SDK1: variants seen among roughly 807,000 people sequenced by gnomAD.
SDK1 encodes protein sidekick-1.
In SDK1, 157 loss-of-function variants were observed where a neutral mutation model predicts 245.5. That is an observed-to-expected ratio of 0.64 (90% CI 0.56 to 0.73). The LOEUF is 0.73. Ranked by LOEUF, SDK1 falls within the 30% of genes least tolerant of loss-of-function variation. The pLI is 0.00. For missense variants in SDK1, 3,583 were observed against 3,002.3 expected (o/e 1.19, Z -4.52); for synonymous variants, 1,647 against 1,278.5 (o/e 1.29, Z -6.15).
At position 3,514,188 on chromosome 7, in the gene SDK1, T is replaced by C. The variant is rs931803943; in HGVS notation, c.299-104892T>C. Among the ~76,000 whole-genome samples, 6 of 152,178 alleles carry C rather than the reference T, an allele frequency of 3.9e-5. No individual in the cohort carries two copies. In the East Asian group the frequency reaches 7.7e-4, roughly 20 times the overall value. ...GCCTGTCTCATGGAGTTTGTATGTT[T>C]TTACTCTAAATCTCCAGTCTGATTT... On this transcript the variant is annotated intron_variant, in intron 1 of 44. Transcript: ENST00000404826.
intron 5 of SDK1, among the ~76,000 whole-genome samples, chr7:3,891,072 A>C (rs1562516160): frequency 6.6e-6 from 1 of 152,138 alleles, no homozygotes; most frequent in Non-Finnish European, 1.5e-5. Context: ...CACTGTCTAG[A>C]GCACATCCTT....
At chr7:3,563,072 T>G (rs920174157) in intron 1 of SDK1, among the ~76,000 whole-genome samples, 1 of 152,126 alleles carries the variant, frequency 6.6e-6, no homozygotes, top group African/African-American at 2.4e-5. Flanking sequence ...CCAAAGACGG[T>G]AGGGATGAAG....
rs2128207965 is a variant in SDK1 at position 4,149,381 on chromosome 7, C to T, written c.4543C>T (p.Gln1515Ter). Reference protein sequence around the residue: ...GASPIRYFTMQVRELPRGEWQ... With the variant: ...GASPIRYFTM ...CTCCCCCATCCGGTACTTCACCATG[C>T]AGGTGCGAGAGCTGCCTCGGGGTGA... Residue 1515 changes from glutamine (Q) to a stop codon, truncating the protein, a stop_gained, in exon 30 of 45, where the codon CAG becomes TAG. Transcript: ENST00000404826. LOFTEE classifies it high-confidence loss of function. The T allele has an allele frequency of 6.3e-7, 1 of 1,589,800 alleles. No homozygotes were observed. Among genetic ancestry groups the T allele is most frequent in the Non-Finnish European group, 8.6e-7 (1 of 1,168,918 alleles).
chr7:3,749,493 GT>G (rs1472312571), intron 4 of SDK1, among the ~76,000 whole-genome samples: 42 of 152,294 alleles, frequency 2.8e-4, no homozygotes, highest in African/African-American at 9.4e-4. Flanking sequence ...TAGAGACAGG[GT>G]TTCACCATGT....
intron 2 of SDK1, among the ~76,000 whole-genome samples, chr7:3,631,328 C>T (rs1782281792): frequency 6.6e-6 from 1 of 152,170 alleles, no homozygotes; most frequent in African/African-American, 2.4e-5. Context: ...GAACTCTTTT[C>T]TCAGTTGGTT....
intron 4 of SDK1, among the ~76,000 whole-genome samples, chr7:3,794,469 G>A (rs747657720): frequency 6.6e-6 from 1 of 152,202 alleles, no homozygotes; most frequent in Non-Finnish European, 1.5e-5. Context: ...GTATTGATAT[G>A]TGGGGCTCTT....
chr7:4,162,631 C>T (rs1016686951), intron 32 of SDK1, among the ~76,000 whole-genome samples: 5 of 151,942 alleles, frequency 3.3e-5, no homozygotes, highest in African/African-American at 1.2e-4. Flanking sequence ...AACTCCTGAC[C>T]TCAGGTGATC....
chr7:4,113,951 C>T (rs1783523636), intron 24 of SDK1, 86 bp from the exon 25 acceptor site: 1 of 1,053,860 alleles, frequency 9.5e-7, no homozygotes, highest in Non-Finnish European at 1.4e-6. Flanking sequence ...ACGGAGTTGG[C>T]CTCACAGGGC....
At position 3,630,298 on chromosome 7, in the gene SDK1, T is replaced by C. The variant is rs576205019; in HGVS notation, c.459-8706T>C. 2.0e-5 allele frequency among the ~76,000 whole-genome samples: 3 copies of C among 152,282 alleles called. No individual in the cohort carries two copies. In the South Asian group the frequency reaches 6.2e-4, roughly 32 times the overall value. On this transcript the variant is annotated intron_variant, in intron 2 of 44. Transcript: ENST00000404826. ...GAAAAAGAAATAAAAGGCATCCAGA[T>C]TGTAAAGAAAGAAGTAAAACTGTAT...
chr7:4,247,279 G>T (rs1222398842), intron 44 of SDK1, among the ~76,000 whole-genome samples: 7 of 152,186 alleles, frequency 4.6e-5, no homozygotes, highest in African/African-American at 1.4e-4. Flanking sequence ...GCCAGCAGGT[G>T]GGTGTGGTGA....
At chr7:3,505,435 G>C (rs918955958) in intron 1 of SDK1, among the ~76,000 whole-genome samples, 1 of 152,092 alleles carries the variant, frequency 6.6e-6, no homozygotes. Context: ...TCTTTTTGCA[G>C]GGATGGGGTC....
At chr7:4,150,223 T>G (rs1780265707) in intron 30 of SDK1, among the ~76,000 whole-genome samples, 1 of 152,150 alleles carries the variant, frequency 6.6e-6, no homozygotes, top group African/African-American at 2.4e-5. Context: ...GGGGCCTGTC[T>G]GGTTCGCAGG....
At chr7:4,180,827 C>G (rs1197314724) in intron 35 of SDK1, among the ~76,000 whole-genome samples, 1 of 152,156 alleles carries the variant, frequency 6.6e-6, no homozygotes, top group Non-Finnish European at 1.5e-5. Flanking sequence ...CTCATGAGAA[C>G]TAAGCCATTC....
intron 1 of SDK1, among the ~76,000 whole-genome samples, chr7:3,611,768 A>G (rs1263923353): frequency 1.3e-5 from 2 of 152,118 alleles, no homozygotes; most frequent in African/African-American, 2.4e-5. Context: ...AATCGAAACC[A>G]CAATGCTATG....
Position 3,619,205 on chromosome 7 carries a change from G to T in SDK1, c.424G>T (p.Asp142Tyr). The T allele has an allele frequency of 6.2e-7, 1 of 1,613,282 alleles. No individual in the cohort carries two copies. The highest frequency in any genetic ancestry group is 8.5e-7 in the Non-Finnish European group (1 of 1,179,278). ...TTTGGAGTTCAAGTGGATGCGCGAT[G>T]ACAGTGAGCTCACCACCTACAGCAG... ...WPLEFKWMRD[D>Y]SELTTYSSEY... is the part of the protein sequence containing the mutation. The change falls in exon 2 of 45, where the codon GAC (aspartate) becomes TAC (tyrosine). Residue 142 changes from aspartate (D) to tyrosine (Y), a missense_variant. Transcript: ENST00000404826.
intron 1 of SDK1, among the ~76,000 whole-genome samples, chr7:3,587,299 ACGTG>A (rs1780721910): frequency 9.3e-6 from 1 of 107,832 alleles, no homozygotes; most frequent in Non-Finnish European, 1.8e-5. Context: ...GAGAAACAGA[ACGTG>A]TGTGTGTGTG....
rs546874513 is a variant in SDK1, at chr7:4,166,694, C to T, written c.4800+4838C>T. Among the ~76,000 whole-genome samples, 15 of 152,328 alleles carry T rather than the reference C, an allele frequency of 9.8e-5. No homozygotes were observed. The East Asian group carries it at 2.3e-3, about 24-fold the overall frequency. ...AGCTCAGATGGTTTCACTGAGCTTCCGGCCCGGGGGACCACGGTGGCCGGA... is the reference window on the plus strand; with the variant it reads ...AGCTCAGATGGTTTCACTGAGCTTCTGGCCCGGGGGACCACGGTGGCCGGA... On this transcript the variant is annotated intron_variant, in intron 32 of 44. Transcript: ENST00000404826.
At chr7:4,032,522 C>T (rs1295672029) in intron 17 of SDK1, among the ~76,000 whole-genome samples, 2 of 152,108 alleles carry the variant, frequency 1.3e-5, no homozygotes, top group East Asian at 1.9e-4. Flanking sequence ...GAAAGCAAGG[C>T]GAGGTATAAA....
intron 1 of SDK1, among the ~76,000 whole-genome samples, chr7:3,510,556 C>T (rs563769512): frequency 1.3e-4 from 20 of 152,286 alleles, no homozygotes; most frequent in Non-Finnish European, 2.6e-4. Flanking sequence ...GGAACAGAAA[C>T]TTCTGTGCAC....
Sources: gnomAD v4.1 joint callset for allele counts (sites outside exome capture counted in the v4.1 genomes callset) on GRCh38, gnomAD v4.1.1 for gene constraint, MANE v1.5 for transcripts, NCBI Gene and HGNC (gene_info 2026-07-23, HGNC 2026-07-21) for gene names.